Variants in DHX57 observed in about 807,000 individuals in gnomAD.
DHX57 encodes the protein DExH-box helicase 57, also known as putative ATP-dependent RNA helicase DHX57.
DHX57 carries 105 observed loss-of-function variants against 156.2 expected under a neutral mutation model. The observed-to-expected ratio is 0.67, with a 90% CI of 0.57 to 0.79. The LOEUF is 0.79. Ranked by LOEUF, DHX57 falls within the 30% of genes least tolerant of loss-of-function variation. The probability of loss-of-function intolerance (pLI) is 0.00; values close to 1 mark genes in which losing one functional copy is unlikely to be tolerated. For synonymous variants in DHX57, 704 were observed against 595.6 expected (o/e 1.18, Z -2.65); for missense variants, 1,847 against 1,661.9 (o/e 1.11, Z -1.94).
intron 12 of DHX57, among the ~76,000 whole-genome samples, chr2:38,841,347 CT>C (rs1367024314): frequency 6.6e-6 from 1 of 152,204 alleles, no homozygotes. Context: ...TGATAAAGAA[CT>C]TGCTCAAGAT....
chr2:38,815,756 A>G, intron 19 of DHX57, 101 bp from the exon 20 acceptor site: 5 of 1,434,102 alleles, frequency 3.5e-6, no homozygotes, highest in Non-Finnish European at 4.8e-6. Context: ...TTCAGGGGGT[A>G]GCAATGAGGC....
intron 1 of DHX57, among the ~76,000 whole-genome samples, chr2:38,873,318 GAAAT>G (rs1163381183): frequency 5.3e-5 from 8 of 152,110 alleles, no homozygotes; most frequent in Admixed American, 3.3e-4. Context: ...TAAAAAGAAA[GAAAT>G]AATATGAACT....
rs578067321 is a variant in DHX57, at chr2:38,797,851, T to C, written c.*448A>G. ...TGTTCACATAATTTTGGGTTTTTTT[T>C]CCCCTTCTCTGTTCTGACTTCTCTC... On this transcript the variant is annotated 3_prime_UTR_variant, in exon 24 of 24. Transcript: ENST00000457308. 107 of 165,074 alleles carry C rather than the reference T, an allele frequency of 6.5e-4. No homozygotes were observed. The highest frequency in any genetic ancestry group is 2.6e-4 in the Non-Finnish European group (18 of 68,482). The allele number at this position is 165,074 out of a possible 1,614,324, so 10.2% of individuals were successfully genotyped here.
At chr2:38,816,512 G>C (rs960741267) in intron 19 of DHX57, among the ~76,000 whole-genome samples, 5 of 152,092 alleles carry the variant, frequency 3.3e-5, no homozygotes, top group African/African-American at 1.2e-4. Context: ...CACCACGCCC[G>C]GCCATGGTTT....
chr2:38,863,418 T>A lies in DHX57; in HGVS notation c.326A>T (p.Glu109Val), dbSNP rs1673340532. The change falls in exon 3 of 24, where the codon GAG becomes GTG. Residue 109 changes from glutamate to valine, a missense_variant. Physicochemically the swap from Glu to Val is moderately radical, Grantham distance 121. Coordinates refer to ENST00000457308, the MANE Select transcript of DHX57 (RefSeq NM_198963.3). ...QTLHMTSENQ[E>V]KVKALLRDLQ... ...GTCTCGGAGAAGAGCTTTCACTTTCTCTTGATTCTCAGAAGTCATATGTAG... is the reference window on the plus strand; with the variant it reads ...GTCTCGGAGAAGAGCTTTCACTTTCACTTGATTCTCAGAAGTCATATGTAG... The A allele has an allele frequency of 6.2e-7, 1 of 1,614,070 alleles. No individual in the cohort carries two copies. Among genetic ancestry groups the A allele is most frequent in the Non-Finnish European group, 8.5e-7 (1 of 1,180,016 alleles).
At chr2:38,838,546 A>G (rs978739983) in intron 12 of DHX57, among the ~76,000 whole-genome samples, 6 of 152,210 alleles carry the variant, frequency 3.9e-5, no homozygotes, top group Admixed American at 3.9e-4. Context: ...TTTACCCTTC[A>G]AATATTTATT....
Position 38,798,332 on chromosome 2 carries a change from G to A in DHX57, c.4128C>T (p.Ile1376=). ...TGGTGACAAGTTTCACAATTGTGCT[G>A]ATGATCCGGGATCCTCGAGGACACG... ...LCTCPRGSRI[I]STIVKLVTTQ is the part of the protein sequence containing the mutation. Residue 1376 remains isoleucine, a synonymous_variant, in exon 24 of 24, where the codon ATC becomes ATT. Coordinates refer to ENST00000457308, the MANE Select transcript of DHX57 (RefSeq NM_198963.3). The A allele has an allele frequency of 6.2e-7, 1 of 1,613,856 alleles. No individual in the cohort carries two copies. The highest frequency in any genetic ancestry group is 8.5e-7 in the Non-Finnish European group (1 of 1,179,934).
chr2:38,871,592 C>T (rs1252217086), intron 1 of DHX57, among the ~76,000 whole-genome samples: 1 of 152,062 alleles, frequency 6.6e-6, no homozygotes, highest in Non-Finnish European at 1.5e-5. Flanking sequence ...GCTGGGAAGT[C>T]CAAGAGCATG....
chr2:38,807,280 C>T (rs560305430), intron 21 of DHX57, among the ~76,000 whole-genome samples: 10 of 152,218 alleles, frequency 6.6e-5, no homozygotes, highest in Admixed American at 3.3e-4. Context: ...GTCTTGAACT[C>T]CTGACCTCAA....
chr2:38,813,960 T>TG, intron 20 of DHX57, 65 bp from the exon 21 acceptor site: 1 of 1,567,864 alleles, frequency 6.4e-7, no homozygotes, highest in Non-Finnish European at 8.7e-7. Flanking sequence ...CTTTTTGAGA[T>TG]GGAGTCTTGC....
chr2:38,814,888 A>G (rs1251959339), intron 20 of DHX57, among the ~76,000 whole-genome samples: 1 of 151,576 alleles, frequency 6.6e-6, no homozygotes, highest in East Asian at 1.9e-4. Context: ...ATGCCTGGAT[A>G]ATTGTGTATT....
At position 38,823,036 on chromosome 2, in the gene DHX57, G is replaced by A. The variant is rs1392053035; in HGVS notation, c.3248C>T (p.Pro1083Leu). 1.2e-6 allele frequency: 2 copies of A among 1,614,156 alleles called. No homozygotes were observed. Among genetic ancestry groups the A allele is most frequent in the Non-Finnish European group, 1.7e-6 (2 of 1,180,016 alleles). The change falls in exon 17 of 24, where the codon CCT (proline) becomes CTT (leucine). Residue 1083 changes from proline to leucine, a missense_variant. By Grantham distance (98) the Pro-to-Leu change is moderately conservative. Coordinates refer to ENST00000457308, the MANE Select transcript of DHX57 (RefSeq NM_198963.3). ...CAAACTGGCAGCAATGGTGAGAGCA[G>A]GATCCAAACAGCGGAAGATAGACCC... ...LFGSIFRCLD[P>L]ALTIAASLAF...
chr2:38,838,299 C>T (rs1378301781), intron 12 of DHX57, among the ~76,000 whole-genome samples: 1 of 152,110 alleles, frequency 6.6e-6, no homozygotes. Context: ...TGGGGTCTTG[C>T]TGTGTTGCCC....
At chr2:38,834,909 T>G (rs1671573130) in intron 13 of DHX57, among the ~76,000 whole-genome samples, 1 of 152,136 alleles carries the variant, frequency 6.6e-6, no homozygotes, top group Non-Finnish European at 1.5e-5. Context: ...AAATGCAGTT[T>G]TTATGTGGGA....
intron 21 of DHX57, among the ~76,000 whole-genome samples, chr2:38,813,490 C>T (rs1420130940): frequency 3.3e-5 from 5 of 151,746 alleles, no homozygotes; most frequent in Admixed American, 2.6e-4. Context: ...CCTGCCTCAG[C>T]CTCCCGAGTA....
rs1017572970 is a variant in DHX57, at chr2:38,846,881, G to A, written c.2219+138C>T. On this transcript the variant is annotated intron_variant, in intron 11 of 23. Coordinates refer to ENST00000457308, the MANE Select transcript of DHX57 (RefSeq NM_198963.3). ...TTTTTTTTTTTCTCAATAGATGGGGGTCCCAATATGTTGCCCAAGCTGGTC... is the reference window on the plus strand; with the variant it reads ...TTTTTTTTTTTCTCAATAGATGGGGATCCCAATATGTTGCCCAAGCTGGTC... 5.8e-6 allele frequency: 3 copies of A among 519,150 alleles called. No homozygotes were observed. In the Admixed American group the frequency reaches 1.1e-4, roughly 20 times the overall value. 32.2% of individuals were successfully genotyped at this position (519,150 alleles called of 1,614,324 possible).
intron 16 of DHX57, among the ~76,000 whole-genome samples, chr2:38,825,090 G>A (rs1486247908): frequency 6.6e-6 from 1 of 151,906 alleles, no homozygotes; most frequent in East Asian, 1.9e-4. Context: ...ATGAATATCG[G>A]CAACTTAGAG....
At chr2:38,853,972 G>C in intron 9 of DHX57, 82 bp downstream of exon 9, 2 of 1,381,522 alleles carry the variant, frequency 1.4e-6, no homozygotes, top group Non-Finnish European at 2.0e-6. Context: ...GCATGAAACT[G>C]AATTGGAACT....
At chr2:38,808,462 T>C (rs1180770393) in intron 21 of DHX57, among the ~76,000 whole-genome samples, 1 of 152,196 alleles carries the variant, frequency 6.6e-6, no homozygotes, top group East Asian at 1.9e-4. Context: ...TGTTGTGACA[T>C]ATTTTCCTAA....
Sources: gnomAD v4.1 joint callset for allele counts (sites outside exome capture counted in the v4.1 genomes callset) on GRCh38, gnomAD v4.1.1 for gene constraint, MANE v1.5 for transcripts, NCBI Gene and HGNC (gene_info 2026-07-23, HGNC 2026-07-21) for gene names.